Variants in SGCZ observed in about 807,000 individuals in gnomAD.
The protein encoded by SGCZ is sarcoglycan zeta.
Under a neutral mutation model 41.3 loss-of-function variants are expected in SGCZ, and 40 were observed. The ratio of observed to expected loss-of-function variants is 0.97; its 90% CI spans 0.75 to 1.26. The LOEUF is 1.26. Ranked by LOEUF, SGCZ falls within the 50% of genes most tolerant of loss-of-function variation. The pLI is 0.00. For synonymous variants in SGCZ, 206 were observed against 137.5 expected (o/e 1.50, Z -3.49); for missense variants, 552 against 369.8 (o/e 1.49, Z -4.04).
intron 1 of SGCZ, among the ~76,000 whole-genome samples, chr8:15,080,819 C>T (rs1805719005): frequency 6.6e-6 from 1 of 152,038 alleles, no homozygotes; most frequent in South Asian, 2.1e-4. Flanking sequence ...GTCTCGACCT[C>T]TTGATCTCAA....
At chr8:14,462,499 C>T (rs1456339321) in intron 2 of SGCZ, among the ~76,000 whole-genome samples, 10 of 151,846 alleles carry the variant, frequency 6.6e-5, no homozygotes, top group Admixed American at 5.9e-4. Flanking sequence ...TAAAACTATG[C>T]CTCATTCGAC....
At chr8:14,397,195 C>T (rs570723553) in intron 2 of SGCZ, among the ~76,000 whole-genome samples, 7 of 152,044 alleles carry the variant, frequency 4.6e-5, no homozygotes, top group African/African-American at 1.7e-4. Flanking sequence ...ATGTTTATTC[C>T]TTATTCTCTA....
intron 1 of SGCZ, among the ~76,000 whole-genome samples, chr8:14,759,755 C>T (rs1028641202): frequency 6.6e-6 from 1 of 152,056 alleles, no homozygotes; most frequent in African/African-American, 2.4e-5. Context: ...GTGTTCAGCT[C>T]TCCTTGATAA....
intron 2 of SGCZ, among the ~76,000 whole-genome samples, chr8:14,464,314 T>C (rs1307143235): frequency 1.3e-5 from 2 of 151,552 alleles, no homozygotes; most frequent in African/African-American, 2.4e-5. Context: ...ATAGGTCTAT[T>C]CAAATTTTCT....
chr8:14,230,254 A>C (rs1806514319), intron 4 of SGCZ, among the ~76,000 whole-genome samples: 1 of 152,112 alleles, frequency 6.6e-6, no homozygotes, highest in Non-Finnish European at 1.5e-5. Context: ...AAACAGACTC[A>C]TTTCATACAC....
chr8:14,090,668 C>T, intron 7 of SGCZ, 31 bp from the exon 8 acceptor site: 4 of 1,592,310 alleles, frequency 2.5e-6, no homozygotes, highest in Non-Finnish European at 3.4e-6. Flanking sequence ...CATTTTAATT[C>T]ATTTTAGAAA....
At chr8:14,816,323 G>T (rs545858292) in intron 1 of SGCZ, among the ~76,000 whole-genome samples, 13 of 152,246 alleles carry the variant, frequency 8.5e-5, no homozygotes, top group African/African-American at 3.1e-4. Context: ...AACATTACCA[G>T]CCCACAGTTC....
chr8:14,180,768 C>T (rs752173267), intron 4 of SGCZ, among the ~76,000 whole-genome samples: 5 of 151,994 alleles, frequency 3.3e-5, no homozygotes, highest in Non-Finnish European at 7.4e-5. Context: ...AAGCCATGCT[C>T]CTGAAGCAGG....
chr8:15,016,335 C>G (rs7015829), intron 1 of SGCZ, among the ~76,000 whole-genome samples: 99,584 of 152,066 alleles, frequency 0.65, 34,085 homozygotes, highest in African/African-American at 0.85. Flanking sequence ...TAACAGAATA[C>G]ACAGCAGATG....
intron 5 of SGCZ, among the ~76,000 whole-genome samples, chr8:14,118,978 T>C (rs1042680247): frequency 6.6e-6 from 1 of 152,184 alleles, no homozygotes; most frequent in Non-Finnish European, 1.5e-5. Flanking sequence ...TGTATTATAG[T>C]TTGAAGTCTG....
chr8:14,581,703 G>A (rs1224718079), intron 1 of SGCZ, among the ~76,000 whole-genome samples: 1 of 152,042 alleles, frequency 6.6e-6, no homozygotes, highest in East Asian at 1.9e-4. Flanking sequence ...AGCACTTACT[G>A]CAACTCCCCA....
At chr8:14,345,449 T>G (rs1185035860) in intron 2 of SGCZ, among the ~76,000 whole-genome samples, 1 of 152,124 alleles carries the variant, frequency 6.6e-6, no homozygotes, top group Non-Finnish European at 1.5e-5. Context: ...GTGTGAATGT[T>G]TCTTACAAAT....
intron 1 of SGCZ, among the ~76,000 whole-genome samples, chr8:14,682,009 G>A (rs1015841662): frequency 6.6e-6 from 1 of 152,034 alleles, no homozygotes. Flanking sequence ...CGAATTTGAA[G>A]CACAGAGAAA....
At chr8:14,819,491 C>T (rs1167323505) in intron 1 of SGCZ, among the ~76,000 whole-genome samples, 1 of 152,076 alleles carries the variant, frequency 6.6e-6, no homozygotes, top group East Asian at 1.9e-4. Flanking sequence ...CAAGAAAGTG[C>T]TACAACTGCA....
chr8:15,095,183 C>G (rs967892672), intron 1 of SGCZ, among the ~76,000 whole-genome samples: 1 of 152,170 alleles, frequency 6.6e-6, no homozygotes, highest in African/African-American at 2.4e-5. Context: ...ACTGCAACCT[C>G]CATCTCCCGG....
intron 1 of SGCZ, among the ~76,000 whole-genome samples, chr8:14,613,874 T>G (rs1585125942): frequency 1.3e-5 from 2 of 152,230 alleles, no homozygotes; most frequent in South Asian, 4.1e-4. Flanking sequence ...ATTGAGGTTA[T>G]CAAAACCAGT....
chr8:14,755,054 G>A (rs1471241041), intron 1 of SGCZ, among the ~76,000 whole-genome samples: 3 of 151,882 alleles, frequency 2.0e-5, no homozygotes, highest in Non-Finnish European at 4.4e-5. Flanking sequence ...TAGTTTTAAT[G>A]GTAGTTTTTA....
At chr8:14,599,956 A>C (rs1805533621) in intron 1 of SGCZ, among the ~76,000 whole-genome samples, 1 of 152,220 alleles carries the variant, frequency 6.6e-6, no homozygotes, top group Non-Finnish European at 1.5e-5. Flanking sequence ...AAATGGAAAA[A>C]AATCTCTTCA....
At chr8:15,033,664 G>A (rs535682313) in intron 1 of SGCZ, among the ~76,000 whole-genome samples, 60 of 152,180 alleles carry the variant, frequency 3.9e-4, no homozygotes, top group African/African-American at 1.4e-3. Context: ...GCATCCCAGT[G>A]GACCTAGGCA....
Sources: allele counts gnomAD v4.1 joint callset (sites outside exome capture counted in the v4.1 genomes callset), GRCh38; gene constraint gnomAD v4.1.1; transcripts MANE v1.5; gene names NCBI Gene and HGNC (gene_info 2026-07-23, HGNC 2026-07-21).